The following RIF1 variants were observed in gnomAD, a reference collection of about 807,000 sequenced individuals.
The protein encoded by RIF1 is telomere-associated protein RIF1.
Under a neutral mutation model 247.1 loss-of-function variants are expected in RIF1, and 45 were observed. The observed-to-expected ratio is 0.18, with a 90% CI of 0.14 to 0.23. The LOEUF is 0.23. Ranked by LOEUF, RIF1 falls within the 10% of genes least tolerant of loss-of-function variation. The probability of loss-of-function intolerance (pLI) is 1.00; values close to 1 mark genes in which losing one functional copy is unlikely to be tolerated. For missense variants in RIF1, 2,967 were observed against 2,862.5 expected (o/e 1.04, Z -0.83); for synonymous variants, 1,087 against 978.8 (o/e 1.11, Z -2.06).
chr2:151,524,278 CAT>C, the RIF1 span: 1 of 1,561,998 alleles, frequency 6.4e-7, no homozygotes, highest in Non-Finnish European at 8.8e-7. Flanking sequence ...AATCTCCTCA[CAT>C]GAGAGCCACC....
At chr2:151,504,123 C>T (rs1559314113) in intron 12 of RIF1, among the ~76,000 whole-genome samples, 1 of 152,154 alleles carries the variant, frequency 6.6e-6, no homozygotes, top group Non-Finnish European at 1.5e-5. Flanking sequence ...GCCTCCTTAA[C>T]TCTTAACATT....
intron 20 of RIF1, among the ~76,000 whole-genome samples, chr2:151,451,301 C>A: frequency 6.6e-6 from 1 of 152,192 alleles, no homozygotes; most frequent in Non-Finnish European, 1.5e-5. Flanking sequence ...CACACCTATA[C>A]AGGTGCCTAG....
At chr2:151,437,971 A>G (rs989315133) in intron 13 of RIF1, among the ~76,000 whole-genome samples, 16 of 152,186 alleles carry the variant, frequency 1.1e-4, no homozygotes, top group African/African-American at 3.9e-4. Flanking sequence ...AATTTCAAAA[A>G]TTGTTTGCTC....
downstream of RIF1, among the ~76,000 whole-genome samples, chr2:151,512,329 G>A (rs1046285748): frequency 1.3e-5 from 2 of 149,492 alleles, no homozygotes; most frequent in African/African-American, 2.5e-5. Context: ...CCACCATGCC[G>A]GGCTTCTCTC....
intron 21 of RIF1, among the ~76,000 whole-genome samples, chr2:151,452,471 T>C (rs1171482247): frequency 6.6e-6 from 1 of 152,248 alleles, no homozygotes; most frequent in Admixed American, 6.5e-5. Flanking sequence ...CAATAAGATT[T>C]GCCATTGATG....
intron 15 of RIF1, among the ~76,000 whole-genome samples, chr2:151,440,453 AACT>A (rs781199588): frequency 5.9e-5 from 9 of 152,338 alleles, no homozygotes; most frequent in African/African-American, 1.7e-4. Flanking sequence ...GATTGCTGAA[AACT>A]ACTAATAGTT....
At chr2:151,433,284 A>G (rs914063622) in intron 10 of RIF1, 56 bp downstream of exon 10, 12 of 1,373,814 alleles carry the variant, frequency 8.7e-6, no homozygotes, top group Non-Finnish European at 1.2e-5. Context: ...GTGTTCTTAA[A>G]TTCTTACCAA....
Position 151,465,416 on chromosome 2 carries a change from A to C in RIF1, c.5896A>C (p.Thr1966Pro), listed in dbSNP as rs770890778. ...TAKLNAKEVA[T>P]EEFNSDISLS... is the part of the protein sequence containing the mutation. ...TAAACTGAATGCCAAAGAAGTAGCA[A>C]CTGAGGAATTTAATTCAGATATTAG... Residue 1966 changes from threonine to proline, a missense_variant, in exon 30 of 36, where the codon ACT (threonine) becomes CCT (proline). Transcript: ENST00000444746. The C allele has an allele frequency of 3.7e-6, 6 of 1,613,822 alleles. No individual in the cohort carries two copies. The highest frequency in any genetic ancestry group is 5.1e-6 in the Non-Finnish European group (6 of 1,179,830).
intron 33 of RIF1, 84 bp from the exon 34 acceptor site, chr2:151,469,626 TG>T: frequency 2.0e-6 from 2 of 1,022,408 alleles, no homozygotes; most frequent in East Asian, 2.9e-5. Flanking sequence ...TGAGCTTAAA[TG>T]GGGAAATTGA....
At chr2:151,440,834 A>C (rs1388859124) in intron 15 of RIF1, among the ~76,000 whole-genome samples, 1 of 152,226 alleles carries the variant, frequency 6.6e-6, no homozygotes, top group African/African-American at 2.4e-5. Context: ...GCAGTAGTTA[A>C]AGACTAAGTG....
chr2:151,495,666 G>C (rs1035184799), intron 10 of RIF1, among the ~76,000 whole-genome samples: 7 of 150,518 alleles, frequency 4.7e-5, no homozygotes, highest in Non-Finnish European at 7.4e-5. Context: ...TAAAACTAAA[G>C]AACAACAACA....
chr2:151,490,052 C>T lies in RIF1; in HGVS notation c.*416-5177C>T, dbSNP rs1370977464. ...CTGAAGATGATCGTTGTTGTGGGAG[C>T]TCTGTGGTTTTTGCATGTTTGTAAG... On this transcript the variant is annotated intron_variant and NMD_transcript_variant, in intron 9 of 13. Transcript: ENST00000454583. The T allele has an allele frequency of 1.2e-6, 2 of 1,610,704 alleles. No homozygotes were observed. The highest frequency in any genetic ancestry group is 1.7e-6 in the Non-Finnish European group (2 of 1,178,870).
intron 10 of RIF1, chr2:151,498,411 G>T: frequency 1.6e-6 from 2 of 1,280,458 alleles, no homozygotes; most frequent in Non-Finnish European, 2.2e-6. Flanking sequence ...TTTTCCCCCT[G>T]CTTTGGAGCA....
Position 151,464,909 on chromosome 2 carries a change from C to T in RIF1, c.5389C>T (p.His1797Tyr). 1 of 1,578,624 alleles carries T rather than the reference C, an allele frequency of 6.3e-7. No homozygotes were observed. The highest frequency in any genetic ancestry group is 8.6e-7 in the Non-Finnish European group (1 of 1,168,564). Residue 1797 changes from histidine (H) to tyrosine (Y), a missense_variant, in exon 30 of 36, where the codon CAT becomes TAT. This residue lies in a region of RIF1 where 2,028 missense variants were observed against 1,825.6 expected (regional missense o/e 1.11). Coordinates refer to ENST00000444746, the MANE Select transcript of RIF1 (RefSeq NM_018151.5). ...FLDEHHSVNF[H>Y]LGLKEDNDTI... ...AGATGAACATCATAGTGTGAATTTTCATTTGGGTCTCAAAGAGGATAATGA... is the reference window on the plus strand; with the variant it reads ...AGATGAACATCATAGTGTGAATTTTTATTTGGGTCTCAAAGAGGATAATGA...
In RIF1 at chr2:151,416,768, A is replaced by C. The variant is rs747148586; in HGVS notation, c.409-39A>C. 7 of 1,602,168 alleles carry C rather than the reference A, an allele frequency of 4.4e-6. No individual in the cohort carries two copies. In the African/African-American group the frequency reaches 8.1e-5, roughly 18 times the overall value. On this transcript the variant is annotated intron_variant, in intron 5 of 35. Transcript: ENST00000444746. ...ACTATAATGCCAATAAAAACAGTTC[A>C]GGCTTATTTCATTTGTATTTATTTG...
the RIF1 span, chr2:151,525,263 T>C: frequency 1.9e-6 from 3 of 1,611,174 alleles, no homozygotes; most frequent in Non-Finnish European, 2.5e-6. Flanking sequence ...AAACTTCTTT[T>C]TGTAATTTGT....
chr2:151,469,707 T>G lies in RIF1; in HGVS notation c.6942-4T>G. On this transcript the variant is annotated splice_polypyrimidine_tract_variant and splice_region_variant and intron_variant, in intron 33 of 35. Coordinates refer to ENST00000444746, the MANE Select transcript of RIF1 (RefSeq NM_018151.5). ...TTATAATTTCCTGTTTCTGTTTTGT[T>G]TAGGGCAAGAGGCCTGGGACAACTC... is the stretch of plus-strand genomic sequence containing the variant. 2.0e-6 allele frequency: 3 copies of G among 1,536,640 alleles called. No homozygotes were observed. Among genetic ancestry groups the G allele is most frequent in the Non-Finnish European group, 2.6e-6 (3 of 1,145,428 alleles).
At chr2:151,457,391 G>A (rs1402234496) in intron 23 of RIF1, among the ~76,000 whole-genome samples, 1 of 152,158 alleles carries the variant, frequency 6.6e-6, no homozygotes, top group Non-Finnish European at 1.5e-5. Flanking sequence ...CCAAAGTGCT[G>A]GGATTACAGG....
At chr2:151,523,227 A>G in the RIF1 span, among the ~76,000 whole-genome samples, 3 of 152,168 alleles carry the variant, frequency 2.0e-5, no homozygotes, top group African/African-American at 4.8e-5. Context: ...TACTTATACA[A>G]TTCCATTAAT....
Sources: gnomAD v4.1 joint callset for allele counts (sites outside exome capture counted in the v4.1 genomes callset) on GRCh38, gnomAD v4.1.1 for gene constraint, gnomAD v4.1.1 regional missense constraint, MANE v1.5 for transcripts, NCBI Gene and HGNC (gene_info 2026-07-23, HGNC 2026-07-21) for gene names.